The following RMDN2 variants were observed in gnomAD, a reference collection of about 807,000 sequenced individuals.
The protein encoded by RMDN2 is regulator of microtubule dynamics protein 2.
A neutral mutation model predicts 52.8 loss-of-function variants in RMDN2; 61 were observed. That is an observed-to-expected ratio of 1.16 (90% CI 0.94 to 1.43). RMDN2 has a LOEUF of 1.43. Among genes scored for constraint, RMDN2 ranks in the 40% most tolerant of loss-of-function variants. The pLI is 0.00. For synonymous variants in RMDN2, 180 were observed against 153.1 expected, an observed-to-expected ratio of 1.18 and a Z score of -1.30; for missense variants, 592 against 475.3, an observed-to-expected ratio of 1.25 and a Z score of -2.28.
intron 2 of RMDN2, among the ~76,000 whole-genome samples, chr2:37,947,796 T>G (rs1219285578): frequency 6.6e-6 from 1 of 152,176 alleles, no homozygotes; most frequent in African/African-American, 2.4e-5. Flanking sequence ...AAACTTAAAT[T>G]TGTCAATTCA....
chr2:38,031,580 C>T (rs1680211727), intron 10 of RMDN2, among the ~76,000 whole-genome samples: 4 of 152,188 alleles, frequency 2.6e-5, no homozygotes, highest in Non-Finnish European at 5.9e-5. Flanking sequence ...CGCAAATGAA[C>T]TCTTCCATTT....
At chr2:38,020,426 C>T (rs992744334), downstream of RMDN2, among the ~76,000 whole-genome samples, 2 of 152,218 alleles carry the variant, frequency 1.3e-5, no homozygotes, top group African/African-American at 4.8e-5. Context: ...TTGAGGAGCC[C>T]TTCAGCCCAC....
chr2:38,066,926 A>C lies in RMDN2; in HGVS notation c.1714-56A>C, dbSNP rs986087784. The C allele has an allele frequency of 6.9e-6, 11 of 1,597,154 alleles. No homozygotes were observed. The African/African-American group carries it at 9.4e-5, about 14-fold the overall frequency. ...TGCTAAAGTGAGGTTCCCACGCCAA[A>C]GTTTCAATGCCATTTTGTGCAATTT... On this transcript the variant is annotated intron_variant, in intron 10 of 10. Coordinates refer to the RMDN2 transcript ENST00000234195.
At position 37,991,259 on chromosome 2, in the gene RMDN2, C is replaced by G. The variant is rs753770630; in HGVS notation, c.907C>G (p.Pro303Ala). 42 of 1,590,086 alleles carry G rather than the reference C, an allele frequency of 2.6e-5. No individual in the cohort carries two copies. Among genetic ancestry groups the G allele is most frequent in the Non-Finnish European group, 3.6e-5 (42 of 1,167,140 alleles). ...AGCAATCAAACTTTTACCAGAGGAACCCTTTCTATATTACCTCAAAGGGAG... is the reference window on the plus strand; with the variant it reads ...AGCAATCAAACTTTTACCAGAGGAAGCCTTTCTATATTACCTCAAAGGGAG... ...DIAIKLLPEEPFLYYLKGRYC... is the reference protein window; with the variant it reads ...DIAIKLLPEEAFLYYLKGRYC... Residue 303 changes from proline (P) to alanine (A), a missense_variant, in exon 7 of 11, where the codon CCC becomes GCC. Coordinates refer to ENST00000354545, the MANE Select transcript of RMDN2 (RefSeq NM_001170791.3).
At chr2:37,974,643 A>AAAAAT (rs973005858) in intron 3 of RMDN2, 1 of 145,876 alleles carries the variant, frequency 6.9e-6, no homozygotes, top group Non-Finnish European at 1.5e-5. Flanking sequence ...CACCACTAAA[A>AAAAAT]AAAATAAAAT....
chr2:37,973,895 A>G (rs1672119141), intron 2 of RMDN2, 145 bp from the exon 3 acceptor site: 1 of 623,450 alleles, frequency 1.6e-6, no homozygotes. Flanking sequence ...TTCTGTTAGG[A>G]CTGGAGCTTT....
At chr2:37,973,475 T>C (rs1672061042) in intron 2 of RMDN2, among the ~76,000 whole-genome samples, 1 of 152,220 alleles carries the variant, frequency 6.6e-6, no homozygotes, top group African/African-American at 2.4e-5. Flanking sequence ...ATCAGGGAGC[T>C]TGCATTCTCC....
chr2:37,994,930 T>C (rs568632575), intron 7 of RMDN2, among the ~76,000 whole-genome samples: 6 of 152,156 alleles, frequency 3.9e-5, no homozygotes, highest in Admixed American at 6.5e-5. Context: ...TGCATTGATA[T>C]GAAACTCTAG....
At chr2:37,950,669 C>T (rs908623292) in intron 2 of RMDN2, 89 of 1,436,492 alleles carry the variant, frequency 6.2e-5, no homozygotes, top group Non-Finnish European at 8.1e-5. Flanking sequence ...CTTTAGTGCT[C>T]TCCTTTGTTT....
intron 2 of RMDN2, among the ~76,000 whole-genome samples, chr2:37,932,681 C>A (rs1290177489): frequency 7.0e-6 from 1 of 142,670 alleles, no homozygotes; most frequent in African/African-American, 2.6e-5. Flanking sequence ...GCTGGCCGGG[C>A]GGGGGGCTGA....
At chr2:37,945,967 G>A (rs1668184629) in intron 2 of RMDN2, among the ~76,000 whole-genome samples, 2 of 152,110 alleles carry the variant, frequency 1.3e-5, no homozygotes, top group South Asian at 4.1e-4. Context: ...ACCTCTCAAG[G>A]TGAATACTCA....
intron 2 of RMDN2, among the ~76,000 whole-genome samples, chr2:37,938,490 T>C (rs1241165414): frequency 6.6e-6 from 1 of 152,230 alleles, no homozygotes; most frequent in Admixed American, 6.5e-5. Context: ...ACTTTGTACC[T>C]CTGGTAGAAT....
intron 2 of RMDN2, among the ~76,000 whole-genome samples, chr2:37,968,103 G>A (rs578259333): frequency 2.0e-5 from 3 of 152,102 alleles, no homozygotes; most frequent in Non-Finnish European, 2.9e-5. Context: ...TAGTTTCTTG[G>A]TCTCCCACAA....
intron 2 of RMDN2, chr2:37,952,945 G>C (rs11124626): frequency 3.3e-5 from 5 of 151,388 alleles, no homozygotes; most frequent in African/African-American, 7.3e-5. Flanking sequence ...AACAAAGACT[G>C]TTATAAAGTA....
At chr2:37,956,816 C>A (rs906239998) in intron 2 of RMDN2, among the ~76,000 whole-genome samples, 1 of 151,972 alleles carries the variant, frequency 6.6e-6, no homozygotes, top group Non-Finnish European at 1.5e-5. Flanking sequence ...TGCTCCCCAC[C>A]CCCAACAGCC....
At chr2:38,033,213 A>G (rs1680338011) in intron 10 of RMDN2, 2 of 152,216 alleles carry the variant, frequency 1.3e-5, no homozygotes, top group Admixed American at 1.3e-4. Context: ...TGAAAATTCT[A>G]TAGCCAAAAG....
chr2:38,017,396 A>C lies in RMDN2; in HGVS notation c.*157A>C. 7.3e-7 allele frequency: 1 copy of C among 1,360,634 alleles called. No individual in the cohort carries two copies. Among genetic ancestry groups the C allele is most frequent in the Non-Finnish European group, 9.6e-7 (1 of 1,044,298 alleles). 84.3% of individuals were successfully genotyped at this position (1,360,634 alleles called of 1,614,324 possible). A position where few individuals can be genotyped will look rare whatever the true frequency, so the allele number is the denominator to read the frequency against. ...CTGCAGAATGCATTCCACTAGTAGC[A>C]CTACAAAATTAATTATGTTATTTGG... On this transcript the variant is annotated 3_prime_UTR_variant, in exon 11 of 11. Transcript: ENST00000354545.
chr2:37,951,169 G>A, intron 2 of RMDN2: 3 of 1,446,958 alleles, frequency 2.1e-6, no homozygotes, highest in South Asian at 3.0e-5. Flanking sequence ...TCTTCAGGAG[G>A]CTTGGCAGGT....
intron 5 of RMDN2, among the ~76,000 whole-genome samples, chr2:37,983,362 T>C (rs2125107309): frequency 6.6e-6 from 1 of 152,352 alleles, no homozygotes; most frequent in Non-Finnish European, 1.5e-5. Context: ...TGTCTTCCAC[T>C]AATCTGGTTA....
Sources: allele counts gnomAD v4.1 joint callset (sites outside exome capture counted in the v4.1 genomes callset), GRCh38; gene constraint gnomAD v4.1.1; transcripts MANE v1.5; gene names NCBI Gene and HGNC (gene_info 2026-07-23, HGNC 2026-07-21).